Variants in IRAK3 observed in about 807,000 individuals in gnomAD.
IRAK3 encodes the protein interleukin 1 receptor associated kinase 3, also known as interleukin-1 receptor-associated kinase 3.
Under a neutral mutation model 56.6 loss-of-function variants are expected in IRAK3, and 57 were observed. The observed-to-expected ratio is 1.01, with a 90% confidence interval of 0.81 to 1.26. The LOEUF is 1.26. Ranked by LOEUF, IRAK3 falls within the 50% of genes most tolerant of loss-of-function variation. The pLI, the probability that IRAK3 is intolerant of heterozygous loss-of-function variation, is 0.00. For missense variants in IRAK3, 703 were observed against 719.0 expected (o/e 0.98, Z 0.25); for synonymous variants, 258 against 255.7 (o/e 1.01, Z -0.09).
intron 2 of IRAK3, among the ~76,000 whole-genome samples, chr12:66,206,223 TGTTA>T (rs140296468): frequency 5.8e-4 from 89 of 152,330 alleles, no homozygotes; most frequent in African/African-American, 2.1e-3. Context: ...TCAGTATGTT[TGTTA>T]TTTTTTCTTC....
intron 8 of IRAK3, chr12:66,235,364 C>G: frequency 1.9e-6 from 2 of 1,026,546 alleles, no homozygotes; most frequent in South Asian, 4.4e-5. Context: ...GGGGAGGACG[C>G]AAGGAGGGGG....
chr12:66,220,231 G>T (rs899008750), intron 6 of IRAK3, among the ~76,000 whole-genome samples: 1 of 152,028 alleles, frequency 6.6e-6, no homozygotes, highest in African/African-American at 2.4e-5. Context: ...TGTATATGGT[G>T]TAAGACAAAG....
Position 66,205,144 on chromosome 12 carries a change from T to G in IRAK3, c.316+1251T>G, listed in dbSNP as rs58117458. ...TGTTCACAATACAAACTTACGCCAC[T>G]TTAATAGGACACACAGGTATGTTTT... is the stretch of plus-strand genomic sequence containing the variant. On this transcript the variant is annotated intron_variant, in intron 2 of 11. Transcript: ENST00000261233. Among the ~76,000 whole-genome samples, 499 of 152,294 alleles carry G rather than the reference T, an allele frequency of 3.3e-3. 5 individuals are homozygous for G. The highest frequency in any genetic ancestry group is 0.012 in the African/African-American group (481 of 41,558).
At chr12:66,243,559 C>G (rs1167194409) in intron 8 of IRAK3, among the ~76,000 whole-genome samples, 5 of 152,074 alleles carry the variant, frequency 3.3e-5, no homozygotes, top group African/African-American at 4.8e-5. Context: ...CATCTGTTCT[C>G]TTAGAATTGA....
At chr12:66,244,201 A>G (rs1053968426) in intron 8 of IRAK3, among the ~76,000 whole-genome samples, 1 of 152,272 alleles carries the variant, frequency 6.6e-6, no homozygotes, top group African/African-American at 2.4e-5. Context: ...AGTTTCTCTT[A>G]GTGAGAAAGC....
At position 66,189,363 on chromosome 12, in the gene IRAK3, C is replaced by T; in HGVS notation, c.64C>T (p.Pro22Ser). Residue 22 changes from proline to serine, a missense_variant, in exon 1 of 12, where the codon CCC becomes TCC. Pro to Ser is a moderately conservative substitution (Grantham distance 74). Coordinates refer to ENST00000261233, the MANE Select transcript of IRAK3 (RefSeq NM_007199.3). ...GCACACGCTGCTGTTCGACCTGCCG[C>T]CCGCGCTGCTCGGAGAGCTCTGCGC... ...SAHTLLFDLP[P>S]ALLGELCAVL... The T allele has an allele frequency of 6.5e-7, 1 of 1,530,778 alleles. No individual in the cohort carries two copies. Among genetic ancestry groups the T allele is most frequent in the Non-Finnish European group, 8.7e-7 (1 of 1,144,866 alleles). The allele number at this position is 1,530,778 out of a possible 1,614,324, so 94.8% of individuals were successfully genotyped here.
At chr12:66,238,474 T>A (rs1827260652) in intron 8 of IRAK3, among the ~76,000 whole-genome samples, 1 of 152,184 alleles carries the variant, frequency 6.6e-6, no homozygotes, top group Non-Finnish European at 1.5e-5. Flanking sequence ...GCATTCCATG[T>A]TTGTGTGAGT....
chr12:66,211,532 G>A lies in IRAK3; in HGVS notation c.523G>A (p.Glu175Lys). ...FHKDFLIGEG[E>K]IFEVYRVEIQ... is the part of the protein sequence containing the mutation. The stretch of plus-strand genomic sequence containing the variant: ...CAAAGACTTCCTAATTGGAGAAGGA[G>A]AGATTTTTGAGGTATACAGAGTGGA... The change falls in exon 5 of 12, where the codon GAG (glutamate) becomes AAG (lysine). Residue 175 changes from glutamate (E) to lysine (K), a missense_variant. Coordinates refer to ENST00000261233, the MANE Select transcript of IRAK3 (RefSeq NM_007199.3). The A allele has an allele frequency of 1.2e-6, 2 of 1,610,584 alleles. No homozygotes were observed. The highest frequency in any genetic ancestry group is 1.7e-6 in the Non-Finnish European group (2 of 1,176,792).
At chr12:66,233,014 A>G (rs934415015) in intron 8 of IRAK3, among the ~76,000 whole-genome samples, 1 of 150,126 alleles carries the variant, frequency 6.7e-6, no homozygotes. Context: ...TATTATTATT[A>G]TTTTTAAAAA....
chr12:66,249,495 A>G lies in IRAK3; in HGVS notation c.*1324A>G, dbSNP rs889037822. 2 of 152,102 alleles carry G rather than the reference A, an allele frequency of 1.3e-5. No homozygotes were observed. The highest frequency in any genetic ancestry group is 2.4e-5 in the African/African-American group (1 of 41,424). The allele number at this position is 152,102 out of a possible 1,614,324, so 9.4% of individuals were successfully genotyped here. A position where few individuals can be genotyped will look rare whatever the true frequency, so the allele number is the denominator to read the frequency against. ...TCTTTTACTAGGTTGTAAACTCCCT[A>G]TATTAGTTTTCTATTGTTTTTGTAA... On this transcript the variant is annotated 3_prime_UTR_variant, in exon 12 of 12. Transcript: ENST00000261233.
rs1177882336 is a variant in IRAK3 at position 66,252,226 on chromosome 12, G to A, written c.*4055G>A. On this transcript the variant is annotated 3_prime_UTR_variant, in exon 12 of 12. Coordinates refer to ENST00000261233, the MANE Select transcript of IRAK3 (RefSeq NM_007199.3). ...ATAATAAGGTGAGGACACTGAGTCA[G>A]GAAACTAACTTGCTAAAATCAAGTC... 6.6e-6 allele frequency: 1 copy of A among 152,136 alleles called. No homozygotes were observed. Among genetic ancestry groups the A allele is most frequent in the African/African-American group, 2.4e-5 (1 of 41,398 alleles). 9.4% of individuals were successfully genotyped at this position (152,136 alleles called of 1,614,324 possible). A position where few individuals can be genotyped will look rare whatever the true frequency, so the allele number is the denominator to read the frequency against.
Position 66,252,534 on chromosome 12 carries a change from AATCC to A in IRAK3, c.*4373_*4376del, listed in dbSNP as rs2053110873. On this transcript the variant is annotated 3_prime_UTR_variant, in exon 12 of 12. Coordinates refer to ENST00000261233, the MANE Select transcript of IRAK3 (RefSeq NM_007199.3). ...GCAGTTACTTGATATGAGTTAAATG[AATCC>A]ATCCATCCAAACTTCCATTCATTGA... is the stretch of plus-strand genomic sequence containing the variant. The A allele has an allele frequency of 6.6e-6, 1 of 152,248 alleles. No individual in the cohort carries two copies. Among genetic ancestry groups the A allele is most frequent in the Non-Finnish European group, 1.5e-5 (1 of 68,066 alleles). 9.4% of individuals were successfully genotyped at this position (152,248 alleles called of 1,614,324 possible).
intron 1 of IRAK3, among the ~76,000 whole-genome samples, chr12:66,194,068 G>A (rs1017640359): frequency 3.3e-5 from 5 of 152,098 alleles, no homozygotes; most frequent in South Asian, 2.1e-4. Context: ...AGCTGGGACT[G>A]CAGGCACATG....
intron 4 of IRAK3, 96 bp from the exon 5 acceptor site, chr12:66,211,350 C>T: frequency 1.1e-6 from 1 of 888,126 alleles, no homozygotes. Flanking sequence ...ACTAACCTTC[C>T]ACTGGACTCT....
chr12:66,238,396 A>G (rs1016834393), intron 8 of IRAK3, among the ~76,000 whole-genome samples: 3 of 152,202 alleles, frequency 2.0e-5, no homozygotes, highest in African/African-American at 7.2e-5. Flanking sequence ...GATAGAGGAG[A>G]AAGCTGAGGC....
intron 8 of IRAK3, among the ~76,000 whole-genome samples, chr12:66,237,483 A>G (rs1315441360): frequency 2.0e-5 from 3 of 152,210 alleles, no homozygotes; most frequent in African/African-American, 4.8e-5. Flanking sequence ...TTTGAAATCA[A>G]TAGTCTCTTA....
chr12:66,212,904 A>G (rs1459180916), intron 5 of IRAK3, among the ~76,000 whole-genome samples: 1 of 152,188 alleles, frequency 6.6e-6, no homozygotes, highest in Non-Finnish European at 1.5e-5. Context: ...AATGGGAGGA[A>G]GAGTATTAGG....
rs114967671 is a variant in IRAK3, at chr12:66,248,467, A to C, written c.*296A>C. On this transcript the variant is annotated 3_prime_UTR_variant, in exon 12 of 12. Coordinates refer to ENST00000261233, the MANE Select transcript of IRAK3 (RefSeq NM_007199.3). ...CTGACTTCAGCCAAACAAAACAATCAAAACCTACCAAAAAGGGACTGGATT... is the reference window on the plus strand; with the variant it reads ...CTGACTTCAGCCAAACAAAACAATCCAAACCTACCAAAAAGGGACTGGATT... 4.8e-3 allele frequency: 1,334 copies of C among 276,774 alleles called. 26 individuals carry two copies. The highest frequency in any genetic ancestry group is 0.026 in the African/African-American group (1,207 of 45,832). 17.1% of individuals were successfully genotyped at this position (276,774 alleles called of 1,614,324 possible). A position where few individuals can be genotyped will look rare whatever the true frequency, so the allele number is the denominator to read the frequency against.
intron 2 of IRAK3, among the ~76,000 whole-genome samples, chr12:66,207,282 G>A (rs1207269683): frequency 6.6e-6 from 1 of 152,028 alleles, no homozygotes; most frequent in African/African-American, 2.4e-5. Context: ...ACCAGCCTGG[G>A]CAAAACGGTG....
Sources: gnomAD v4.1 joint callset for allele counts (sites outside exome capture counted in the v4.1 genomes callset) on GRCh38, gnomAD v4.1.1 for gene constraint, MANE v1.5 for transcripts, NCBI Gene and HGNC (gene_info 2026-07-23, HGNC 2026-07-21) for gene names.